Variants in ZNF248 observed in about 807,000 individuals in gnomAD.
ZNF248 encodes zinc finger protein 248, also known as KRAB protein domain.
ZNF248 carries 20 observed loss-of-function variants against 44.3 expected under a neutral mutation model. The ratio of observed to expected loss-of-function variants is 0.45; its 90% CI spans 0.32 to 0.66. The LOEUF (loss-of-function observed/expected upper bound fraction) is 0.66. Among genes scored for constraint, ZNF248 ranks in the 30% least tolerant of loss-of-function variants. The pLI, the probability that ZNF248 is intolerant of heterozygous loss-of-function variation, is 0.04. For synonymous variants in ZNF248, 224 were observed against 229.0 expected, an observed-to-expected ratio of 0.98 and a Z score of 0.20; for missense variants, 654 against 677.0, an observed-to-expected ratio of 0.97 and a Z score of 0.38.
chr10:37,825,209 T>C (rs1282120619), downstream of ZNF248, among the ~76,000 whole-genome samples: 5 of 152,122 alleles, frequency 3.3e-5, no homozygotes, highest in African/African-American at 1.2e-4. Flanking sequence ...TAATCTTCCA[T>C]GACTAGCTAT....
the ZNF248 span, among the ~76,000 whole-genome samples, chr10:37,768,011 G>T: frequency 2.6e-5 from 4 of 152,134 alleles, no homozygotes; most frequent in African/African-American, 9.7e-5. Context: ...AACCAACACA[G>T]ATCAAAAGAG....
intron 6 of ZNF248, among the ~76,000 whole-genome samples, chr10:37,817,318 A>G (rs550387768): frequency 6.6e-6 from 1 of 152,102 alleles, no homozygotes; most frequent in Non-Finnish European, 1.5e-5. Context: ...TGTATGCCCT[A>G]AGAACCACTT....
At chr10:37,819,789 C>T in intron 6 of ZNF248, 1 of 782,264 alleles carries the variant, frequency 1.3e-6, no homozygotes, top group Non-Finnish European at 2.4e-6. Context: ...TCACTGGTTG[C>T]AGGAGGGTCC....
intron 6 of ZNF248, among the ~76,000 whole-genome samples, chr10:37,784,354 G>A (rs1048604622): frequency 6.6e-6 from 1 of 152,146 alleles, no homozygotes; most frequent in South Asian, 2.1e-4. Context: ...TGAATAATTG[G>A]AATGGATAAA....
the ZNF248 span, among the ~76,000 whole-genome samples, chr10:37,762,803 G>A: frequency 1.3e-5 from 2 of 152,152 alleles, no homozygotes; most frequent in Non-Finnish European, 2.9e-5. Context: ...ATTGAAATAT[G>A]GGTGGTTTTC....
chr10:37,840,931 G>C (rs1016789323), intron 3 of ZNF248, among the ~76,000 whole-genome samples: 2 of 152,150 alleles, frequency 1.3e-5, no homozygotes, highest in Admixed American at 1.3e-4. Flanking sequence ...CTATGTCAAA[G>C]GGACACAGGA....
In ZNF248 at chr10:37,856,435, G is replaced by A. The variant is rs2061306776; in HGVS notation, c.-28C>T. The A allele has an allele frequency of 5.4e-6, 8 of 1,471,836 alleles. No individual in the cohort carries two copies. The South Asian group carries it at 5.9e-5, about 11-fold the overall frequency. The allele number at this position is 1,471,836 out of a possible 1,614,324, so 91.2% of individuals were successfully genotyped here. A position where few individuals can be genotyped will look rare whatever the true frequency, so the allele number is the denominator to read the frequency against. ...ACAGGTCCACACACAAGATACTTACGTGTCCATGTGTGGCTCCGATATATG... is the reference window on the plus strand; with the variant it reads ...ACAGGTCCACACACAAGATACTTACATGTCCATGTGTGGCTCCGATATATG... On this transcript the variant is annotated splice_region_variant and 5_prime_UTR_variant, in exon 2 of 6. Transcript: ENST00000395867.
rs149747965 is a variant in ZNF248, at chr10:37,792,003, G to T, written c.331-15428C>A. ...TGAGTAGCTGGGATACTCTCTTGCA[G>T]AAGAGCTAATTCTAGACCACAGTTA... is the stretch of plus-strand genomic sequence containing the variant. On this transcript the variant is annotated intron_variant, in intron 6 of 6. Coordinates refer to the ZNF248 transcript ENST00000615949. 216 of 152,350 alleles carry T rather than the reference G, an allele frequency of 1.4e-3. 1 individual carries two copies. The highest frequency in any genetic ancestry group is 5.1e-3 in the African/African-American group (211 of 41,576). The allele number at this position is 152,350 out of a possible 1,614,324, so 9.4% of individuals were successfully genotyped here. A position where few individuals can be genotyped will look rare whatever the true frequency, so the allele number is the denominator to read the frequency against.
At chr10:37,823,006 G>A (rs1412526886) in intron 6 of ZNF248, among the ~76,000 whole-genome samples, 1 of 152,102 alleles carries the variant, frequency 6.6e-6, no homozygotes, top group African/African-American at 2.4e-5. Context: ...GCTATGTGAA[G>A]GAAACTATAA....
At chr10:37,765,672 T>C in the ZNF248 span, among the ~76,000 whole-genome samples, 1 of 152,214 alleles carries the variant, frequency 6.6e-6, no homozygotes, top group Admixed American at 6.5e-5. Flanking sequence ...TAGGAACAGC[T>C]CTGGTCTACA....
intron 6 of ZNF248, among the ~76,000 whole-genome samples, chr10:37,822,011 A>C (rs549588605): frequency 6.6e-6 from 1 of 152,294 alleles, no homozygotes; most frequent in East Asian, 1.9e-4. Flanking sequence ...CAGAGGCTGG[A>C]GACAACATAA....
downstream of ZNF248, among the ~76,000 whole-genome samples, chr10:37,772,480 C>T (rs1002981817): frequency 1.6e-4 from 24 of 152,126 alleles, no homozygotes; most frequent in African/African-American, 5.8e-4. Flanking sequence ...TATCAGACCC[C>T]TTTGGGATGT....
chr10:37,831,226 A>G lies in ZNF248; in HGVS notation c.*389T>C. ...CATACTCAAATTTATATATTTGCAT[A>G]CTCACATAAGGTCTACAAACATCGG... On this transcript the variant is annotated 3_prime_UTR_variant, in exon 6 of 6. Coordinates refer to ENST00000395867, the MANE Select transcript of ZNF248 (RefSeq NM_021045.3). The G allele has an allele frequency of 1.3e-6, 2 of 1,543,418 alleles. No individual in the cohort carries two copies. Among genetic ancestry groups the G allele is most frequent in the Non-Finnish European group, 1.7e-6 (2 of 1,144,062 alleles).
chr10:37,831,829 A>C lies in ZNF248; in HGVS notation c.1526T>G (p.Val509Gly). The C allele has an allele frequency of 6.2e-7, 1 of 1,613,436 alleles. No individual in the cohort carries two copies. The highest frequency in any genetic ancestry group is 8.5e-7 in the Non-Finnish European group (1 of 1,179,528). ...CTCCCCAGTGTGAGTTCTTTGATGT[A>C]CAATGAGGTTTGACTTCACACAGAA... ...KSFCVKSNLI[V>G]HQRTHTGEKP... Residue 509 changes from valine (V) to glycine (G), a missense_variant, in exon 6 of 6, where the codon GTA becomes GGA. Physicochemically the swap from Val to Gly is moderately radical, Grantham distance 109. Transcript: ENST00000395867.
At chr10:37,803,406 C>G (rs2050082376) in intron 6 of ZNF248, 1 of 152,296 alleles carries the variant, frequency 6.6e-6, no homozygotes, top group South Asian at 2.1e-4. Flanking sequence ...CTCTCCTGTG[C>G]TGCCTGCCCC....
At position 37,831,240 on chromosome 10, in the gene ZNF248, T is replaced by G; in HGVS notation, c.*375A>C. ...TATATTTGCATACTCACATAAGGTCTACAAACATCGGGGACTCTTCACATA... is the reference window on the plus strand; with the variant it reads ...TATATTTGCATACTCACATAAGGTCGACAAACATCGGGGACTCTTCACATA... On this transcript the variant is annotated 3_prime_UTR_variant, in exon 6 of 6. Transcript: ENST00000395867. 2 of 1,548,894 alleles carry G rather than the reference T, an allele frequency of 1.3e-6. No homozygotes were observed. The highest frequency in any genetic ancestry group is 1.7e-6 in the Non-Finnish European group (2 of 1,145,976).
intron 6 of ZNF248, among the ~76,000 whole-genome samples, chr10:37,804,656 C>T (rs1046773931): frequency 3.3e-5 from 5 of 152,158 alleles, no homozygotes; most frequent in African/African-American, 1.2e-4. Context: ...AGGCTGGTCT[C>T]GAACTCCTGG....
intron 6 of ZNF248, among the ~76,000 whole-genome samples, chr10:37,788,740 C>G (rs1001454899): frequency 2.0e-5 from 3 of 152,176 alleles, no homozygotes; most frequent in Admixed American, 6.5e-5. Flanking sequence ...ATTATAAAAA[C>G]AGACAATAAC....
At chr10:37,807,920 T>C (rs1426177820) in intron 6 of ZNF248, among the ~76,000 whole-genome samples, 1 of 152,204 alleles carries the variant, frequency 6.6e-6, no homozygotes, top group Non-Finnish European at 1.5e-5. Flanking sequence ...TTCCATATTA[T>C]GCTGAATATA....
Sources: allele counts gnomAD v4.1 joint callset (sites outside exome capture counted in the v4.1 genomes callset), GRCh38; gene constraint gnomAD v4.1.1; transcripts MANE v1.5; gene names NCBI Gene and HGNC (gene_info 2026-07-23, HGNC 2026-07-21).